HMGB1: variants seen among roughly 807,000 people sequenced by gnomAD.
HMGB1 encodes the protein high mobility group protein B1.
For synonymous variants in HMGB1, 81 were observed against 84.0 expected (o/e 0.96, Z 0.19); for missense variants, 79 against 253.5 (o/e 0.31, Z 4.67).
chr13:30,608,457 G>A (rs1157401450), intron 1 of HMGB1, among the ~76,000 whole-genome samples: 3 of 152,150 alleles, frequency 2.0e-5, no homozygotes, highest in Admixed American at 2.0e-4. Context: ...CATGAGGAAA[G>A]CTCTTTCATA....
intron 1 of HMGB1, among the ~76,000 whole-genome samples, chr13:30,584,874 G>A (rs1208238480): frequency 1.3e-5 from 2 of 152,168 alleles, no homozygotes; most frequent in Non-Finnish European, 2.9e-5. Context: ...CAGGCTGGGT[G>A]CAGTGGTTCA....
chr13:30,615,835 C>A (rs1422498723), intron 1 of HMGB1, among the ~76,000 whole-genome samples: 1 of 152,192 alleles, frequency 6.6e-6, no homozygotes, highest in Non-Finnish European at 1.5e-5. Context: ...TACAGAAGCA[C>A]TGAACTACTG....
chr13:30,466,039 G>A, upstream of HMGB1: 1 of 759,792 alleles, frequency 1.3e-6, no homozygotes, highest in Non-Finnish European at 1.6e-6. Context: ...TTTGCTATTG[G>A]CTGTCTCCGG....
chr13:30,590,668 G>C (rs988450782), intron 1 of HMGB1, among the ~76,000 whole-genome samples: 6 of 152,168 alleles, frequency 3.9e-5, no homozygotes, highest in Non-Finnish European at 7.4e-5. Flanking sequence ...CCTCAAATTC[G>C]TATGTTGAAA....
chr13:30,592,863 CT>C (rs1255636514), intron 1 of HMGB1, among the ~76,000 whole-genome samples: 46 of 141,094 alleles, frequency 3.3e-4, no homozygotes, highest in African/African-American at 1.1e-3. Context: ...AAATTTAGTG[CT>C]TTTTTTTAAA....
At chr13:30,539,710 T>G (rs1167150595) in intron 1 of HMGB1, 5 of 197,124 alleles carry the variant, frequency 2.5e-5, no homozygotes, top group Admixed American at 5.2e-5. Flanking sequence ...AACCTGATAG[T>G]ACGGGGAGTG....
chr13:30,473,961 AT>A (rs1179761511), intron 1 of HMGB1, among the ~76,000 whole-genome samples: 3 of 152,226 alleles, frequency 2.0e-5, no homozygotes, highest in African/African-American at 7.2e-5. Flanking sequence ...AAGGCCACAT[AT>A]TGTATGATTC....
At chr13:30,515,901 A>G (rs1888091967) in intron 1 of HMGB1, among the ~76,000 whole-genome samples, 1 of 152,240 alleles carries the variant, frequency 6.6e-6, no homozygotes, top group Admixed American at 6.5e-5. Context: ...ATGAATTACC[A>G]TTACAAAGAA....
chr13:30,562,948 A>G (rs1870023856), intron 1 of HMGB1, among the ~76,000 whole-genome samples: 2 of 152,244 alleles, frequency 1.3e-5, no homozygotes, highest in South Asian at 2.1e-4. Context: ...GGAAGGAAGT[A>G]GACCAAGTGT....
chr13:30,610,138 T>C (rs1372598432), intron 1 of HMGB1, among the ~76,000 whole-genome samples: 1 of 152,224 alleles, frequency 6.6e-6, no homozygotes, highest in Non-Finnish European at 1.5e-5. Context: ...GAATACAGTA[T>C]ATAACACATA....
chr13:30,585,582 G>A (rs190923094), intron 1 of HMGB1, among the ~76,000 whole-genome samples: 3 of 152,004 alleles, frequency 2.0e-5, no homozygotes, highest in African/African-American at 7.2e-5. Context: ...GGAGGCTGAG[G>A]GGGGAGAATC....
intron 4 of HMGB1, 96 bp from the exon 5 acceptor site, chr13:30,461,629 C>A: frequency 1.9e-6 from 3 of 1,583,402 alleles, no homozygotes; most frequent in Non-Finnish European, 2.6e-6. Flanking sequence ...AATCAAGATT[C>A]TAGTTATACC....
At chr13:30,564,254 A>G (rs1185035196) in intron 1 of HMGB1, among the ~76,000 whole-genome samples, 4 of 147,648 alleles carry the variant, frequency 2.7e-5, no homozygotes, top group African/African-American at 1.0e-4. Context: ...GCAACATGGC[A>G]AAAACCCGGC....
chr13:30,552,660 C>G (rs1229689777), intron 1 of HMGB1, among the ~76,000 whole-genome samples: 1 of 152,210 alleles, frequency 6.6e-6, no homozygotes, highest in South Asian at 2.1e-4. Flanking sequence ...TTTAATTCTT[C>G]TATCACTTCA....
At chr13:30,612,073 T>C (rs1393598151) in intron 1 of HMGB1, among the ~76,000 whole-genome samples, 1 of 152,146 alleles carries the variant, frequency 6.6e-6, no homozygotes, top group Non-Finnish European at 1.5e-5. Context: ...ATATAGATGA[T>C]GGTGAACCAA....
chr13:30,465,196 C>CGCT (rs1886692034), intron 1 of HMGB1: 3 of 790,088 alleles, frequency 3.8e-6, no homozygotes, highest in African/African-American at 1.9e-5. Context: ...GCCGCCCGGC[C>CGCT]GCCGCCGCCG....
intron 1 of HMGB1, among the ~76,000 whole-genome samples, chr13:30,486,245 T>C (rs1887360201): frequency 6.6e-6 from 1 of 152,166 alleles, no homozygotes; most frequent in Non-Finnish European, 1.5e-5. Context: ...TCTGAACCCA[T>C]TTCGATTTCT....
At position 30,614,676 on chromosome 13, in the gene HMGB1, C is replaced by T. The variant is rs532602925; in HGVS notation, c.-15+1995G>A. 5.3e-5 allele frequency among the ~76,000 whole-genome samples: 8 copies of T among 152,152 alleles called. No homozygotes were observed. In the South Asian group the frequency reaches 1.7e-3, roughly 32 times the overall value. ...CAAAACAGAACCAAGTAAGTTTGGG[C>T]TACATTACGAGTTGTCATGTTTTTG... On this transcript the variant is annotated intron_variant, in intron 1 of 4. Transcript: ENST00000405805.
intron 1 of HMGB1, chr13:30,554,030 G>T: frequency 6.8e-7 from 1 of 1,462,906 alleles, no homozygotes; most frequent in South Asian, 1.1e-5. Context: ...AGAAAGAATC[G>T]GTTAAATGTG....
Sources: gnomAD v4.1 joint callset for allele counts (sites outside exome capture counted in the v4.1 genomes callset) on GRCh38, gnomAD v4.1.1 for gene constraint, MANE v1.5 for transcripts, NCBI Gene and HGNC (gene_info 2026-07-23, HGNC 2026-07-21) for gene names.